Variants in OR56A1 observed in about 807,000 individuals in gnomAD.
OR56A1 encodes the protein olfactory receptor 56A1.
For missense variants in OR56A1, 360 were observed against 380.9 expected, an observed-to-expected ratio of 0.94 and a Z score of 0.46; for synonymous variants, 174 against 159.1, an observed-to-expected ratio of 1.09 and a Z score of -0.70.
intron 1 of OR56A1, among the ~76,000 whole-genome samples, chr11:6,028,585 C>T (rs902714704): frequency 3.3e-5 from 5 of 152,098 alleles, no homozygotes; most frequent in African/African-American, 9.7e-5. Context: ...TAGTGAGATA[C>T]ATATTACCCT....
At chr11:6,030,829 C>T (rs993682518), upstream of OR56A1, 5 of 151,738 alleles carry the variant, frequency 3.3e-5, no homozygotes, top group Admixed American at 6.6e-5. Context: ...TCCTCATCAT[C>T]TGTAGTTATA....
chr11:6,027,261 C>A lies in OR56A1; in HGVS notation c.432G>T (p.Val144=), dbSNP rs367739475. The part of the protein sequence containing the change: ...RYPSIITNQF[V]AKASVFIVVR... ...CCACAATGAAGACACTAGCTTTGGC[C>A]ACAAATTGATTAGTGATGATGGATG... Residue 144 remains valine, a synonymous_variant, in exon 2 of 2, where the codon GTG becomes GTT. Transcript: ENST00000641900. 1 of 1,614,058 alleles carries A rather than the reference C, an allele frequency of 6.2e-7. No homozygotes were observed. The highest frequency in any genetic ancestry group is 1.3e-5 in the African/African-American group (1 of 74,920).
upstream of OR56A1, among the ~76,000 whole-genome samples, chr11:6,033,780 T>C (rs1848533851): frequency 6.6e-6 from 1 of 151,952 alleles, no homozygotes; most frequent in South Asian, 2.1e-4. Context: ...ACAGAAAAAA[T>C]GATCTTGATT....
At position 6,020,345 on chromosome 11, in the gene OR56A1, A is replaced by G. The variant is rs1482643909; in HGVS notation, c.*6403T>C. ...AATAGTTTTTTCTAGTTCTGTAAAG[A>G]ATGTCATTGGTAGTTTGACTGGAAT... is the stretch of plus-strand genomic sequence containing the variant. On this transcript the variant is annotated 3_prime_UTR_variant, in exon 2 of 2. Transcript: ENST00000641900. 6.6e-6 allele frequency: 1 copy of G among 152,136 alleles called. No homozygotes were observed. The highest frequency in any genetic ancestry group is 6.5e-5 in the Admixed American group (1 of 15,272). The allele number at this position is 152,136 out of a possible 1,614,324, so 9.4% of individuals were successfully genotyped here.
At position 6,027,352 on chromosome 11, in the gene OR56A1, T is replaced by C. The variant is rs747908615; in HGVS notation, c.341A>G (p.Glu114Gly). 6 of 1,614,068 alleles carry C rather than the reference T, an allele frequency of 3.7e-6. No homozygotes were observed. The highest frequency in any genetic ancestry group is 5.1e-6 in the Non-Finnish European group (6 of 1,180,034). The change falls in exon 2 of 2, where the codon GAG becomes GGG. Residue 114 changes from glutamate to glycine, a missense_variant. Glu to Gly is a moderately conservative substitution (Grantham distance 98). Transcript: ENST00000641900. ...GGCCATGACCATAAACGTGCAGGAC[T>C]CCATGGGGAGGAAACTGTTCATGAT... ...MFIMNSFLPM[E>G]SCTFMVMAYD...
Position 6,021,703 on chromosome 11 carries a change from ACAAACCCC to A in OR56A1, c.*5037_*5044del, listed in dbSNP as rs1284402382. ...GGATAATGGGAACATTAATAAAGGC[ACAAACCCC>A]CAAAGGCAGATGGCATTAAAAAAAC... On this transcript the variant is annotated 3_prime_UTR_variant, in exon 2 of 2. Coordinates refer to ENST00000641900, the MANE Select transcript of OR56A1 (RefSeq NM_001388488.1). 6.6e-6 allele frequency: 1 copy of A among 152,150 alleles called. No homozygotes were observed. Among genetic ancestry groups the A allele is most frequent in the Non-Finnish European group, 1.5e-5 (1 of 67,994 alleles). The allele number at this position is 152,150 out of a possible 1,614,324, so 9.4% of individuals were successfully genotyped here.
In OR56A1 at chr11:6,021,330, T is replaced by C. The variant is rs1848393657; in HGVS notation, c.*5418A>G. On this transcript the variant is annotated 3_prime_UTR_variant, in exon 2 of 2. Transcript: ENST00000641900. ...AAAGGAGAAACAAGTACTAGTGTTTTACAGAACTAAAGGATGATAATAGTC... is the reference window on the plus strand; with the variant it reads ...AAAGGAGAAACAAGTACTAGTGTTTCACAGAACTAAAGGATGATAATAGTC... 6.6e-6 allele frequency: 1 copy of C among 152,080 alleles called. No homozygotes were observed. Among genetic ancestry groups the C allele is most frequent in the African/African-American group, 2.4e-5 (1 of 41,436 alleles). 9.4% of individuals were successfully genotyped at this position (152,080 alleles called of 1,614,324 possible).
chr11:6,034,030 C>T (rs888636519), upstream of OR56A1, among the ~76,000 whole-genome samples: 6 of 152,138 alleles, frequency 3.9e-5, no homozygotes, highest in African/African-American at 1.4e-4. Context: ...CAAGATGAAG[C>T]CCAATCTTTC....
At position 6,023,188 on chromosome 11, in the gene OR56A1, A is replaced by G. The variant is rs977234372; in HGVS notation, c.*3560T>C. 1.3e-5 allele frequency: 2 copies of G among 152,180 alleles called. No individual in the cohort carries two copies. Among genetic ancestry groups the G allele is most frequent in the Admixed American group, 1.3e-4 (2 of 15,276 alleles). The allele number at this position is 152,180 out of a possible 1,614,324, so 9.4% of individuals were successfully genotyped here. ...ACAAAGGGGCAATGTTGACTTGCCAACTATGAAGAGTTTGCTTAACTTCAG... is the reference window on the plus strand; with the variant it reads ...ACAAAGGGGCAATGTTGACTTGCCAGCTATGAAGAGTTTGCTTAACTTCAG... On this transcript the variant is annotated 3_prime_UTR_variant, in exon 2 of 2. Coordinates refer to ENST00000641900, the MANE Select transcript of OR56A1 (RefSeq NM_001388488.1).
At chr11:6,028,620 T>C (rs1848481086) in intron 1 of OR56A1, among the ~76,000 whole-genome samples, 1 of 152,012 alleles carries the variant, frequency 6.6e-6, no homozygotes, top group Non-Finnish European at 1.5e-5. Context: ...TTATCAAAAA[T>C]ACAAAAAATA....
chr11:6,027,747 A>G (rs1848471551), intron 1 of OR56A1, 21 bp from the exon 2 acceptor site: 4 of 1,367,518 alleles, frequency 2.9e-6, no homozygotes, highest in Non-Finnish European at 4.0e-6. Context: ...GGGCAGATAC[A>G]AGAGGTTATT....
Position 6,026,795 on chromosome 11 carries a change from TGGTCC to T in OR56A1, c.893_897del (p.Arg298GlnfsTer19). 2 of 1,611,462 alleles carry T rather than the reference TGGTCC, an allele frequency of 1.2e-6. No homozygotes were observed. Among genetic ancestry groups the T allele is most frequent in the Non-Finnish European group, 8.5e-7 (1 of 1,179,018 alleles). On this transcript the variant is annotated frameshift_variant, in exon 2 of 2. Coordinates refer to ENST00000641900, the MANE Select transcript of OR56A1 (RefSeq NM_001388488.1). LOFTEE classifies it low-confidence loss of function (END_TRUNC). ...TTCTGAATTCCCTGTTTTATCTCTT[TGGTCC>T]GAACCCCATACACAATAGGGTTCAA...
rs1848390326 is a variant in OR56A1 at position 6,021,013 on chromosome 11, A to G, written c.*5735T>C. The G allele has an allele frequency of 6.6e-6, 1 of 152,114 alleles. No individual in the cohort carries two copies. The highest frequency in any genetic ancestry group is 2.1e-4 in the South Asian group (1 of 4,828). The allele number at this position is 152,114 out of a possible 1,614,324, so 9.4% of individuals were successfully genotyped here. Reference sequence around the variant, plus strand: ...CCTGAGAAAAAGTTAGATGATGTGTATAGCAGTCCTTCTCAAGTCTGACAG... The same window carrying G: ...CCTGAGAAAAAGTTAGATGATGTGTGTAGCAGTCCTTCTCAAGTCTGACAG... On this transcript the variant is annotated 3_prime_UTR_variant, in exon 2 of 2. Transcript: ENST00000641900.
rs1848421725 is a variant in OR56A1, at chr11:6,023,991, T to G, written c.*2757A>C. 1 of 152,218 alleles carries G rather than the reference T, an allele frequency of 6.6e-6. No individual in the cohort carries two copies. The highest frequency in any genetic ancestry group is 6.5e-5 in the Admixed American group (1 of 15,276). The allele number at this position is 152,218 out of a possible 1,614,324, so 9.4% of individuals were successfully genotyped here. A position where few individuals can be genotyped will look rare whatever the true frequency, so the allele number is the denominator to read the frequency against. On this transcript the variant is annotated 3_prime_UTR_variant, in exon 2 of 2. Transcript: ENST00000641900. Reference sequence around the variant, plus strand: ...GTTATTTTACCACTTGCAGTGAGCTTGACAATTTTGTGAGAAATCTGTGGT... The same window carrying G: ...GTTATTTTACCACTTGCAGTGAGCTGGACAATTTTGTGAGAAATCTGTGGT...
In OR56A1 at chr11:6,026,878, G is replaced by A; in HGVS notation, c.815C>T (p.Pro272Leu). The A allele has an allele frequency of 6.2e-7, 1 of 1,614,092 alleles. No homozygotes were observed. Among genetic ancestry groups the A allele is most frequent in the Non-Finnish European group, 8.5e-7 (1 of 1,179,916 alleles). The change falls in exon 2 of 2, where the codon CCC becomes CTC. Residue 272 changes from proline (P) to leucine (L), a missense_variant. Transcript: ENST00000641900. ...VLTNVARKKV[P>L]MDILILLNVL... ...GTTCAGCAGGATCAGGATGTCCATG[G>A]GGACCTTCTTTCTGGCCACGTTTGT... is the stretch of plus-strand genomic sequence containing the variant.
upstream of OR56A1, among the ~76,000 whole-genome samples, chr11:6,032,161 A>C (rs1256772636): frequency 6.6e-6 from 1 of 152,170 alleles, no homozygotes; most frequent in Admixed American, 6.5e-5. Context: ...AGAACTAGTA[A>C]GTGAGGAAGT....
In OR56A1 at chr11:6,026,679, C is replaced by G; in HGVS notation, c.*69G>C. 3.1e-6 allele frequency: 3 copies of G among 957,398 alleles called. No individual in the cohort carries two copies. The highest frequency in any genetic ancestry group is 4.8e-6 in the Non-Finnish European group (3 of 621,040). 59.3% of individuals were successfully genotyped at this position (957,398 alleles called of 1,614,324 possible). A position where few individuals can be genotyped will look rare whatever the true frequency, so the allele number is the denominator to read the frequency against. ...AATAAACACTCACTAACTGACATTT[C>G]TCTACTTCGCTGCCTAGGTAAAATC... On this transcript the variant is annotated 3_prime_UTR_variant, in exon 2 of 2. Coordinates refer to ENST00000641900, the MANE Select transcript of OR56A1 (RefSeq NM_001388488.1).
At chr11:6,031,978 C>A (rs1162036908), upstream of OR56A1, among the ~76,000 whole-genome samples, 2 of 151,962 alleles carry the variant, frequency 1.3e-5, no homozygotes, top group African/African-American at 4.8e-5. Context: ...CCAGAAAAAA[C>A]CAAGGGGAAA....
upstream of OR56A1, among the ~76,000 whole-genome samples, chr11:6,032,415 C>G (rs1848521373): frequency 6.6e-6 from 1 of 152,144 alleles, no homozygotes; most frequent in Admixed American, 6.5e-5. Context: ...CTCCACTCTG[C>G]TGTGAAATAG....
Sources: gnomAD v4.1 joint callset for allele counts (sites outside exome capture counted in the v4.1 genomes callset) on GRCh38, gnomAD v4.1.1 for gene constraint, MANE v1.5 for transcripts, NCBI Gene and HGNC (gene_info 2026-07-23, HGNC 2026-07-21) for gene names.